Variants in PLCL1 observed in about 807,000 individuals in gnomAD.
PLCL1 encodes phospholipase C like 1 (inactive), also known as inactive phospholipase C-like protein 1.
Under a neutral mutation model 84.4 loss-of-function variants are expected in PLCL1, and 41 were observed. That is an observed-to-expected ratio of 0.49 (90% CI 0.38 to 0.63). The LOEUF (loss-of-function observed/expected upper bound fraction) is 0.63. Among genes scored for constraint, PLCL1 ranks in the 30% least tolerant of loss-of-function variants. PLCL1 has a pLI of 0.00. For missense variants in PLCL1, 1,206 were observed against 1,367.8 expected, an observed-to-expected ratio of 0.88 and a Z score of 1.87; for synonymous variants, 490 against 488.3, an observed-to-expected ratio of 1.00 and a Z score of -0.05.
intron 1 of PLCL1, among the ~76,000 whole-genome samples, chr2:197,844,122 C>T (rs1298524247): frequency 6.6e-6 from 1 of 152,000 alleles, no homozygotes; most frequent in Admixed American, 6.6e-5. Flanking sequence ...GGCAAGTAAA[C>T]TTTTATTTGA....
chr2:198,124,517 A>T (rs1693942870), intron 5 of PLCL1, among the ~76,000 whole-genome samples: 1 of 152,084 alleles, frequency 6.6e-6, no homozygotes, highest in Non-Finnish European at 1.5e-5. Flanking sequence ...AAGTTGGAAG[A>T]TGAGGTTTCT....
At chr2:198,114,105 C>G (rs1361342530) in intron 5 of PLCL1, among the ~76,000 whole-genome samples, 1 of 151,570 alleles carries the variant, frequency 6.6e-6, no homozygotes, top group East Asian at 1.9e-4. Flanking sequence ...TAAAAAAAGC[C>G]ACAAGTTTAA....
chr2:198,051,107 T>C (rs1574274928), intron 1 of PLCL1, among the ~76,000 whole-genome samples: 3 of 152,246 alleles, frequency 2.0e-5, no homozygotes, highest in Middle Eastern at 3.4e-3. Context: ...TGAAGTCAAA[T>C]TGAAGGGTCA....
chr2:198,108,871 A>G (rs776106766), intron 5 of PLCL1, among the ~76,000 whole-genome samples: 1 of 151,816 alleles, frequency 6.6e-6, no homozygotes, highest in Non-Finnish European at 1.5e-5. Flanking sequence ...GTAGCAGTCA[A>G]TTTGCTCTTC....
intron 1 of PLCL1, among the ~76,000 whole-genome samples, chr2:197,861,867 C>T (rs1687439358): frequency 6.6e-6 from 1 of 152,006 alleles, no homozygotes; most frequent in African/African-American, 2.4e-5. Flanking sequence ...TCCTCAATAT[C>T]AAATAAGGAA....
chr2:198,115,979 C>A (rs1467187796), intron 5 of PLCL1, among the ~76,000 whole-genome samples: 1 of 146,496 alleles, frequency 6.8e-6, no homozygotes, highest in African/African-American at 2.5e-5. Flanking sequence ...TAAAAATATA[C>A]TTATTAAATA....
At chr2:197,931,095 G>A (rs1008262013) in intron 1 of PLCL1, among the ~76,000 whole-genome samples, 17 of 152,068 alleles carry the variant, frequency 1.1e-4, no homozygotes, top group African/African-American at 2.4e-4. Context: ...CTTAAGTTTC[G>A]TGTGGTAAAT....
chr2:198,084,799 A>G lies in PLCL1; in HGVS notation c.1282A>G (p.Ile428Val), dbSNP rs1405623568. The G allele has an allele frequency of 2.5e-6, 4 of 1,614,000 alleles. No individual in the cohort carries two copies. Among genetic ancestry groups the G allele is most frequent in the Non-Finnish European group, 3.4e-6 (4 of 1,179,996 alleles). Residue 428 changes from isoleucine (I) to valine (V), a missense_variant, in exon 2 of 6, where the codon ATC becomes GTC. Ile to Val is a conservative substitution (Grantham distance 29). Transcript: ENST00000428675. ...AGACCAGTTCAGGGGGCCAGCTGAC[A>G]TCAATGGGTACATTAGAGCTTTGAA... ...IEDQFRGPAD[I>V]NGYIRALKMG...
intron 5 of PLCL1, among the ~76,000 whole-genome samples, chr2:198,114,750 C>T (rs1333369665): frequency 6.6e-6 from 1 of 151,592 alleles, no homozygotes; most frequent in Non-Finnish European, 1.5e-5. Flanking sequence ...ATCTAATTTC[C>T]TTATTGTTAA....
At chr2:198,033,831 C>G (rs372976958) in intron 1 of PLCL1, among the ~76,000 whole-genome samples, 10 of 152,238 alleles carry the variant, frequency 6.6e-5, no homozygotes, top group Non-Finnish European at 1.5e-4. Flanking sequence ...CTGTTTCCAG[C>G]CCTCTTCTTT....
chr2:197,986,554 C>T lies in PLCL1; in HGVS notation c.241-97204C>T, dbSNP rs112925149. ...TTGTAGAGATGGAGTCTTACTATGTCGCCAGGCTGGTCTTGAACTCCTGGC... is the reference window on the plus strand; with the variant it reads ...TTGTAGAGATGGAGTCTTACTATGTTGCCAGGCTGGTCTTGAACTCCTGGC... On this transcript the variant is annotated intron_variant, in intron 1 of 5. Transcript: ENST00000428675. 6.5e-3 allele frequency among the ~76,000 whole-genome samples: 989 copies of T among 152,104 alleles called. 15 individuals are homozygous for T. The highest frequency in any genetic ancestry group is 0.023 in the African/African-American group (943 of 41,486).
chr2:197,810,297 T>C, intron 1 of PLCL1: 1 of 1,272,668 alleles, frequency 7.9e-7, no homozygotes, highest in Non-Finnish European at 1.0e-6. Context: ...ATAGCACCTC[T>C]CAAGAAAATG....
chr2:197,808,774 C>T (rs1389506783), intron 1 of PLCL1, among the ~76,000 whole-genome samples: 1 of 152,206 alleles, frequency 6.6e-6, no homozygotes, highest in Non-Finnish European at 1.5e-5. Flanking sequence ...AACTGAGCTA[C>T]ATGTGTATTT....
At chr2:197,979,700 T>C (rs1690064741) in intron 1 of PLCL1, among the ~76,000 whole-genome samples, 1 of 152,242 alleles carries the variant, frequency 6.6e-6, no homozygotes, top group Admixed American at 6.5e-5. Context: ...CTTGCTTAGC[T>C]GTGTCTCCTG....
chr2:197,945,703 A>C (rs1315892760), intron 1 of PLCL1, among the ~76,000 whole-genome samples: 1 of 152,122 alleles, frequency 6.6e-6, no homozygotes, highest in Non-Finnish European at 1.5e-5. Context: ...GAAATTCCTC[A>C]TCAGTTTGTT....
intron 1 of PLCL1, among the ~76,000 whole-genome samples, chr2:197,935,346 A>G (rs1044136218): frequency 2.0e-5 from 3 of 152,220 alleles, no homozygotes; most frequent in African/African-American, 4.8e-5. Flanking sequence ...TAGCAAAGAC[A>G]TGGAATCAAC....
At chr2:197,990,273 T>C (rs973956276) in intron 1 of PLCL1, among the ~76,000 whole-genome samples, 3 of 152,186 alleles carry the variant, frequency 2.0e-5, no homozygotes, top group African/African-American at 7.2e-5. Context: ...CCTAGAGATA[T>C]GAGTTTGCAA....
chr2:197,852,594 C>G (rs866256326), intron 1 of PLCL1, among the ~76,000 whole-genome samples: 1 of 151,952 alleles, frequency 6.6e-6, no homozygotes, highest in Non-Finnish European at 1.5e-5. Flanking sequence ...ATTTTTATAC[C>G]GATGGATTTT....
At chr2:198,074,779 A>C (rs1007639791) in intron 1 of PLCL1, among the ~76,000 whole-genome samples, 1 of 152,232 alleles carries the variant, frequency 6.6e-6, no homozygotes, top group Non-Finnish European at 1.5e-5. Context: ...CTATTTAATA[A>C]TGTCTTATTC....
Sources: gnomAD v4.1 joint callset for allele counts (sites outside exome capture counted in the v4.1 genomes callset) on GRCh38, gnomAD v4.1.1 for gene constraint, MANE v1.5 for transcripts, NCBI Gene and HGNC (gene_info 2026-07-23, HGNC 2026-07-21) for gene names.